FKBP6: variants seen among roughly 807,000 people sequenced by gnomAD.
FKBP6 encodes the protein FKBP prolyl isomerase family member 6 (inactive).
A neutral mutation model predicts 41.7 loss-of-function variants in FKBP6; 29 were observed. That is an observed-to-expected ratio of 0.70 (90% CI 0.52 to 0.95). FKBP6 has a LOEUF of 0.95. FKBP6 is among the 40% of genes least tolerant of loss of function. FKBP6 has a pLI of 0.00. For synonymous variants in FKBP6, 130 were observed against 165.1 expected (o/e 0.79, Z 1.63); for missense variants, 338 against 408.7 (o/e 0.83, Z 1.49).
chr7:73,329,142 A>G (rs1342276035), intron 2 of FKBP6, among the ~76,000 whole-genome samples: 6 of 152,018 alleles, frequency 3.9e-5, no homozygotes, highest in Admixed American at 2.6e-4. Flanking sequence ...AGGGACTCCT[A>G]TGTCCCCTTT....
At chr7:73,356,937 C>T (rs1345084347) in intron 8 of FKBP6, among the ~76,000 whole-genome samples, 2 of 152,090 alleles carry the variant, frequency 1.3e-5, no homozygotes, top group Non-Finnish European at 2.9e-5. Flanking sequence ...CCTGCCACCA[C>T]GCCCAGCTAA....
chr7:73,337,780 G>C (rs1181537965), intron 5 of FKBP6, among the ~76,000 whole-genome samples: 1 of 151,986 alleles, frequency 6.6e-6, no homozygotes, highest in Non-Finnish European at 1.5e-5. Flanking sequence ...GTGGTTTTTA[G>C]TATATTCACA....
chr7:73,349,035 G>T (rs926259855), intron 8 of FKBP6, among the ~76,000 whole-genome samples: 1 of 152,044 alleles, frequency 6.6e-6, no homozygotes, highest in Non-Finnish European at 1.5e-5. Context: ...AGCCTGAAAA[G>T]TCAAGGCTGC....
chr7:73,333,732 A>G (rs1804918634), intron 5 of FKBP6, among the ~76,000 whole-genome samples: 1 of 152,232 alleles, frequency 6.6e-6, no homozygotes, highest in Admixed American at 6.5e-5. Flanking sequence ...ATGTATGTCT[A>G]AAATATTCTT....
Position 73,341,348 on chromosome 7 carries a change from C to G in FKBP6, c.859C>G (p.His287Asp). 6.2e-7 allele frequency: 1 copy of G among 1,612,572 alleles called. No individual in the cohort carries two copies. Among genetic ancestry groups the G allele is most frequent in the Non-Finnish European group, 8.5e-7 (1 of 1,178,548 alleles). ...VRAQKEQPFN[H>D]DINNELKKLA... ...AGCCCAGAAGGAGCAACCCTTCAAT[C>G]ATGACATCAATAATGAGCTGAAGAA... The change falls in exon 7 of 9, where the codon CAT becomes GAT. Residue 287 changes from histidine (H) to aspartate (D), a missense_variant. Physicochemically the swap from His to Asp is moderately conservative, Grantham distance 81. Transcript: ENST00000252037.
At chr7:73,348,120 T>A (rs879965545) in intron 8 of FKBP6, among the ~76,000 whole-genome samples, 11 of 152,080 alleles carry the variant, frequency 7.2e-5, no homozygotes, top group Non-Finnish European at 1.3e-4. Context: ...TGTCATCTTG[T>A]TATGGGACAC....
chr7:73,345,926 G>A (rs1805320572), intron 8 of FKBP6, among the ~76,000 whole-genome samples: 1 of 152,316 alleles, frequency 6.6e-6, no homozygotes, highest in East Asian at 1.9e-4. Context: ...GGGTCTATCC[G>A]AGCAGAGCTG....
chr7:73,346,342 C>T (rs192941068), intron 8 of FKBP6, among the ~76,000 whole-genome samples: 28 of 152,294 alleles, frequency 1.8e-4, no homozygotes, highest in African/African-American at 6.3e-4. Flanking sequence ...GTTCCAGTAC[C>T]ACTTCTGCAG....
intron 5 of FKBP6, among the ~76,000 whole-genome samples, chr7:73,337,325 T>G (rs1264388962): frequency 2.0e-5 from 3 of 148,842 alleles, no homozygotes; most frequent in African/African-American, 7.5e-5. Flanking sequence ...TTTTTTTTTT[T>G]TTTTTTGAGA....
At chr7:73,349,104 CA>C (rs1172643592) in intron 8 of FKBP6, among the ~76,000 whole-genome samples, 19 of 144,478 alleles carry the variant, frequency 1.3e-4, no homozygotes, top group South Asian at 8.7e-4. Context: ...GACCCTGTCC[CA>C]AAAAAAAAAA....
At chr7:73,341,932 C>T (rs1805203808) in intron 7 of FKBP6, among the ~76,000 whole-genome samples, 1 of 152,062 alleles carries the variant, frequency 6.6e-6, no homozygotes, top group Admixed American at 6.6e-5. Flanking sequence ...TTCCAAAGTG[C>T]TGGGATTACA....
At chr7:73,355,971 C>G (rs1805619523) in intron 8 of FKBP6, among the ~76,000 whole-genome samples, 2 of 144,588 alleles carry the variant, frequency 1.4e-5, no homozygotes, top group African/African-American at 5.1e-5. Flanking sequence ...GAGGCTGAGG[C>G]AAGGAAGTGG....
Position 73,358,381 on chromosome 7 carries a change from G to A in FKBP6, c.*203G>A, listed in dbSNP as rs1805695944. On this transcript the variant is annotated 3_prime_UTR_variant, in exon 9 of 9. Coordinates refer to ENST00000252037, the MANE Select transcript of FKBP6 (RefSeq NM_003602.5). ...TTTCCGTGTTCGTAACAGAAGGGAG[G>A]GGAAAGCGCAGCTACTGACAAGTAG... 6.6e-6 allele frequency: 1 copy of A among 152,440 alleles called. No individual in the cohort carries two copies. 9.4% of individuals were successfully genotyped at this position (152,440 alleles called of 1,614,324 possible). A position where few individuals can be genotyped will look rare whatever the true frequency, so the allele number is the denominator to read the frequency against.
chr7:73,352,210 TGCCTCG>T (rs1805509169), intron 8 of FKBP6, among the ~76,000 whole-genome samples: 1 of 152,176 alleles, frequency 6.6e-6, no homozygotes, highest in Non-Finnish European at 1.5e-5. Context: ...GCGATCCTCC[TGCCTCG>T]GCCTCCCAGA....
rs529764023 is a variant in FKBP6, at chr7:73,329,958, C to G, written c.266-192C>G. On this transcript the variant is annotated intron_variant, in intron 3 of 8. Transcript: ENST00000252037. ...TGGAAGTGGGGGCATTTGAACTGAG[C>G]CTGGAAGTTTGAATAAAATTTATAT... 375 of 641,476 alleles carry G rather than the reference C, an allele frequency of 5.8e-4. 6 individuals are homozygous for G. In the South Asian group the frequency reaches 6.6e-3, roughly 11 times the overall value. The allele number at this position is 641,476 out of a possible 1,614,324, so 39.7% of individuals were successfully genotyped here. A position where few individuals can be genotyped will look rare whatever the true frequency, so the allele number is the denominator to read the frequency against.
At chr7:73,354,596 G>A (rs1394375883) in intron 8 of FKBP6, among the ~76,000 whole-genome samples, 2 of 152,246 alleles carry the variant, frequency 1.3e-5, no homozygotes, top group Non-Finnish European at 2.9e-5. Context: ...TATTTTTGGA[G>A]ATATCCAGAT....
At chr7:73,341,132 C>G (rs956518104) in intron 6 of FKBP6, 141 bp from the exon 7 acceptor site, 1 of 773,700 alleles carries the variant, frequency 1.3e-6, no homozygotes, top group South Asian at 1.4e-5. Flanking sequence ...CCGTGTTGGC[C>G]AGGCTGGTCT....
chr7:73,347,700 A>G lies in FKBP6; in HGVS notation c.*2+4801A>G, dbSNP rs138204990. 1.7e-4 allele frequency among the ~76,000 whole-genome samples: 26 copies of G among 152,352 alleles called. No homozygotes were observed. In the East Asian group the frequency reaches 4.6e-3, roughly 27 times the overall value. ...CGCTCTGTCACCCAGGCTGGGGTGC[A>G]GTGGCATGATCATAGCTCACTGCAG... On this transcript the variant is annotated intron_variant, in intron 8 of 8. Coordinates refer to ENST00000252037, the MANE Select transcript of FKBP6 (RefSeq NM_003602.5).
chr7:73,355,197 T>C (rs1554551750), intron 8 of FKBP6, among the ~76,000 whole-genome samples: 1 of 152,246 alleles, frequency 6.6e-6, no homozygotes, highest in African/African-American at 2.4e-5. Context: ...TAGGAATGGA[T>C]TCAGCTGGAG....
Sources: allele counts gnomAD v4.1 joint callset (sites outside exome capture counted in the v4.1 genomes callset), GRCh38; gene constraint gnomAD v4.1.1; transcripts MANE v1.5; gene names NCBI Gene and HGNC (gene_info 2026-07-23, HGNC 2026-07-21).